The following DIAPH2 variants were observed in gnomAD, a reference collection of about 807,000 sequenced individuals.
DIAPH2 encodes the protein diaphanous related formin 2, also known as protein diaphanous homolog 2.
A neutral mutation model predicts 92.7 loss-of-function variants in DIAPH2; 35 were observed. The ratio of observed to expected loss-of-function variants is 0.38; its 90% CI spans 0.29 to 0.50. The LOEUF is 0.50. Among genes scored for constraint, DIAPH2 ranks in the 20% least tolerant of loss-of-function variants. The pLI is 0.94. For synonymous variants in DIAPH2, 301 were observed against 280.4 expected (o/e 1.07, Z -0.73); for missense variants, 701 against 819.5 (o/e 0.86, Z 1.77).
chrX:97,204,630 C>T (rs1279212143), intron 22 of DIAPH2, among the ~76,000 whole-genome samples: 1 of 111,298 alleles, frequency 9.0e-6, no homozygotes, highest in Non-Finnish European at 1.9e-5. Context: ...TGAAAGACGT[C>T]TTCAAGGAGA....
intron 25 of DIAPH2, among the ~76,000 whole-genome samples, chrX:97,425,118 T>C (rs1383770553): frequency 1.8e-5 from 2 of 112,258 alleles, no homozygotes; most frequent in Non-Finnish European, 3.8e-5. Context: ...TTTATAATTA[T>C]CATTTTTGTA....
chrX:97,029,548 TG>T (rs1429251235), intron 17 of DIAPH2, among the ~76,000 whole-genome samples: 5 of 111,858 alleles, frequency 4.5e-5, no homozygotes, highest in Admixed American at 9.5e-5. Context: ...TAAATTGATC[TG>T]TTTTTTTAAT....
At chrX:96,995,115 G>A (rs936330106) in intron 17 of DIAPH2, among the ~76,000 whole-genome samples, 2 of 111,861 alleles carry the variant, frequency 1.8e-5, no homozygotes, top group African/African-American at 3.3e-5. Context: ...AATAAATGCC[G>A]GGAGAAGAAA....
At chrX:97,296,310 A>G (rs1031106507) in intron 23 of DIAPH2, among the ~76,000 whole-genome samples, 14 of 111,681 alleles carry the variant, frequency 1.3e-4, no homozygotes, top group Non-Finnish European at 2.3e-4. Flanking sequence ...ACTACCCTTC[A>G]TTTATCTTGT....
chrX:97,226,218 T>C (rs765167201), intron 22 of DIAPH2, among the ~76,000 whole-genome samples: 3 of 111,817 alleles, frequency 2.7e-5, no homozygotes, highest in Non-Finnish European at 5.6e-5. Flanking sequence ...ATTAATGGAA[T>C]GTTCCTTCCA....
At chrX:96,834,097 A>G (rs373805702) in intron 4 of DIAPH2, among the ~76,000 whole-genome samples, 4 of 112,207 alleles carry the variant, frequency 3.6e-5, no homozygotes, top group South Asian at 7.4e-4. Context: ...ATGTTTCTAC[A>G]TAAGTATTAT....
intron 1 of DIAPH2, among the ~76,000 whole-genome samples, chrX:96,707,229 C>T (rs1188385946): frequency 1.8e-5 from 2 of 109,418 alleles, no homozygotes; most frequent in African/African-American, 6.7e-5. Flanking sequence ...AGTGCAGTGG[C>T]GTGATCTCGG....
intron 17 of DIAPH2, among the ~76,000 whole-genome samples, chrX:97,033,400 T>C (rs1602733449): frequency 8.9e-6 from 1 of 111,925 alleles, no homozygotes; most frequent in Non-Finnish European, 1.9e-5. Context: ...ATTAGAATGC[T>C]AGTAAATGTC....
chrX:97,280,402 A>G (rs1464417151), intron 23 of DIAPH2, among the ~76,000 whole-genome samples: 1 of 110,785 alleles, frequency 9.0e-6, no homozygotes, highest in African/African-American at 3.3e-5. Flanking sequence ...GAACCCGGGA[A>G]GTGGAGCTTG....
chrX:97,591,812 C>G (rs1258709712), intron 26 of DIAPH2, among the ~76,000 whole-genome samples: 1 of 112,013 alleles, frequency 8.9e-6, no homozygotes, highest in Non-Finnish European at 1.9e-5. Flanking sequence ...GAAAATCTGT[C>G]TTACGACCCA....
At chrX:97,347,971 C>T in intron 23 of DIAPH2, 145 bp from the exon 24 acceptor site, 1 of 543,892 alleles carries the variant, frequency 1.8e-6, no homozygotes, top group Non-Finnish European at 2.9e-6. Flanking sequence ...GGTATTTTAC[C>T]ATGGCAGCCC....
intron 17 of DIAPH2, among the ~76,000 whole-genome samples, chrX:97,031,053 A>G (rs1007902378): frequency 2.7e-5 from 3 of 111,539 alleles, no homozygotes; most frequent in African/African-American, 9.8e-5. Flanking sequence ...CCAGCTCATT[A>G]GTTGTTACTT....
intron 5 of DIAPH2, chrX:96,884,781 T>C: frequency 8.3e-7 from 1 of 1,210,764 alleles, no homozygotes; most frequent in Non-Finnish European, 1.1e-6. Flanking sequence ...TCACCGTGCA[T>C]ATTCTGGAAA....
intron 24 of DIAPH2, among the ~76,000 whole-genome samples, chrX:97,354,592 T>G (rs984325926): frequency 2.7e-5 from 3 of 111,868 alleles, no homozygotes; most frequent in African/African-American, 9.9e-5. Context: ...CAGGCTGGTC[T>G]CAAACTCCTG....
At chrX:96,865,489 A>G (rs758848932) in intron 4 of DIAPH2, among the ~76,000 whole-genome samples, 5 of 111,966 alleles carry the variant, frequency 4.5e-5, no homozygotes, top group African/African-American at 1.3e-4. Flanking sequence ...TCCTAATGTG[A>G]GAATGGGTTT....
intron 25 of DIAPH2, among the ~76,000 whole-genome samples, chrX:97,396,532 T>C (rs60935820): frequency 0.018 from 1,973 of 110,280 alleles, 41 homozygotes; most frequent in African/African-American, 0.062. Context: ...ATTAGCTGGG[T>C]ATGGTGGCGG....
At chrX:97,006,470 T>C (rs1197755516) in intron 17 of DIAPH2, among the ~76,000 whole-genome samples, 2 of 112,455 alleles carry the variant, frequency 1.8e-5, no homozygotes, top group East Asian at 2.8e-4. Flanking sequence ...CAGTGTTGGC[T>C]GCATATATAT....
chrX:97,211,111 C>A (rs1275493690), intron 22 of DIAPH2, among the ~76,000 whole-genome samples: 2 of 111,647 alleles, frequency 1.8e-5, no homozygotes, highest in Non-Finnish European at 3.8e-5. Context: ...CTTATACAGT[C>A]TTTGGTGTAA....
intron 26 of DIAPH2, among the ~76,000 whole-genome samples, chrX:97,486,241 C>G (rs1325554281): frequency 9.0e-6 from 1 of 111,414 alleles, no homozygotes; most frequent in Non-Finnish European, 1.9e-5. Flanking sequence ...GTAGTTTTGA[C>G]TACTGGAAAA....
Sources: gnomAD v4.1 joint callset for allele counts (sites outside exome capture counted in the v4.1 genomes callset) on GRCh38, gnomAD v4.1.1 for gene constraint, MANE v1.5 for transcripts, NCBI Gene and HGNC (gene_info 2026-07-23, HGNC 2026-07-21) for gene names.